Variants in EXOC4 observed in about 807,000 individuals in gnomAD.
EXOC4 encodes the protein SEC8-like 1.
EXOC4 carries 71 observed loss-of-function variants against 107.2 expected under a neutral mutation model. The ratio of observed to expected loss-of-function variants is 0.66; its 90% CI spans 0.55 to 0.81. The LOEUF (loss-of-function observed/expected upper bound fraction) is 0.81, where lower values mean the gene tolerates loss of function less well. EXOC4 is among the 30% of genes least tolerant of loss of function. The pLI, the probability that EXOC4 is intolerant of heterozygous loss-of-function variation, is 0.00. For missense variants in EXOC4, 1,108 were observed against 1,189.6 expected, an observed-to-expected ratio of 0.93 and a Z score of 1.01; for synonymous variants, 456 against 441.2, an observed-to-expected ratio of 1.03 and a Z score of -0.42.
intron 12 of EXOC4, among the ~76,000 whole-genome samples, chr7:133,916,227 T>A (rs778357697): frequency 6.6e-6 from 1 of 152,236 alleles, no homozygotes; most frequent in South Asian, 2.1e-4. Context: ...CCTGTGAGAC[T>A]CTAATGCTAC....
chr7:133,287,199 A>G (rs191620378), intron 2 of EXOC4, among the ~76,000 whole-genome samples: 7 of 152,156 alleles, frequency 4.6e-5, no homozygotes, highest in Non-Finnish European at 7.4e-5. Flanking sequence ...TTTCTTTGGT[A>G]TTACCTTGGT....
chr7:133,735,865 T>C (rs1473677137), intron 10 of EXOC4, among the ~76,000 whole-genome samples: 1 of 152,102 alleles, frequency 6.6e-6, no homozygotes, highest in African/African-American at 2.4e-5. Context: ...GGCAGGCAGA[T>C]CACTTGAGGT....
chr7:133,610,429 T>A (rs1428197849), intron 9 of EXOC4, among the ~76,000 whole-genome samples: 1 of 152,148 alleles, frequency 6.6e-6, no homozygotes, highest in African/African-American at 2.4e-5. Flanking sequence ...TCTTAGTAAG[T>A]TTTTGCTTTT....
At chr7:133,560,283 A>T (rs1800781074) in intron 9 of EXOC4, among the ~76,000 whole-genome samples, 1 of 151,614 alleles carries the variant, frequency 6.6e-6, no homozygotes. Flanking sequence ...ATTTTATTTT[A>T]TTTTATTTAT....
intron 9 of EXOC4, among the ~76,000 whole-genome samples, chr7:133,491,520 C>T (rs1262447561): frequency 6.6e-6 from 1 of 152,142 alleles, no homozygotes. Flanking sequence ...CTTTTCTGAG[C>T]TCTAGGTTAT....
chr7:133,302,783 T>C (rs1304636395), intron 3 of EXOC4, among the ~76,000 whole-genome samples: 1 of 152,158 alleles, frequency 6.6e-6, no homozygotes. Context: ...TGTGAGACTG[T>C]CTTGTTGCTG....
intron 7 of EXOC4, among the ~76,000 whole-genome samples, chr7:133,397,093 G>A (rs552298014): frequency 1.5e-4 from 22 of 150,628 alleles, no homozygotes; most frequent in African/African-American, 5.1e-4. Flanking sequence ...TAGGCCTGTC[G>A]ATATCCTCTT....
rs149473094 is a variant in EXOC4, at chr7:133,346,871, A to G, written c.764-9459A>G. Among the ~76,000 whole-genome samples the G allele has an allele frequency of 9.8e-4, 150 of 152,334 alleles. 1 individual carries two copies. The highest frequency in any genetic ancestry group is 3.4e-3 in the Middle Eastern group (1 of 294). On this transcript the variant is annotated intron_variant, in intron 5 of 17. Coordinates refer to ENST00000253861, the MANE Select transcript of EXOC4 (RefSeq NM_021807.4). ...AAGAGTTTCTATAGTAAACATTACT[A>G]TTGTCCTATATCTTAGTTAACATGT...
intron 10 of EXOC4, among the ~76,000 whole-genome samples, chr7:133,800,960 A>G (rs1796927258): frequency 6.6e-6 from 1 of 152,198 alleles, no homozygotes. Context: ...GAAGTTGATC[A>G]AGCCCTTCTT....
intron 14 of EXOC4, among the ~76,000 whole-genome samples, chr7:133,977,765 T>C (rs2116901081): frequency 1.3e-5 from 2 of 152,028 alleles, no homozygotes; most frequent in Middle Eastern, 6.8e-3. Context: ...TGTGTGTGTG[T>C]GTTTGTTTGT....
chr7:133,628,690 A>G (rs2151013499), intron 9 of EXOC4, among the ~76,000 whole-genome samples: 1 of 152,364 alleles, frequency 6.6e-6, no homozygotes, highest in African/African-American at 2.4e-5. Context: ...ACTGGAAACC[A>G]GTCATGGTGA....
Position 133,374,999 on chromosome 7 carries a change from A to G in EXOC4, c.1179A>G (p.Leu393=), listed in dbSNP as rs1027824010. 1 of 1,612,906 alleles carries G rather than the reference A, an allele frequency of 6.2e-7. No homozygotes were observed. The highest frequency in any genetic ancestry group is 8.5e-7 in the Non-Finnish European group (1 of 1,179,660). Residue 393 remains leucine (L), a synonymous_variant, in exon 7 of 18, where the codon CTA becomes CTG. Transcript: ENST00000253861. The part of the protein sequence containing the change: ...ADVWVKIQDV[L]QMLLTEYLDM... ...TATGGGTGAAGATCCAAGATGTTCT[A>G]CAGGTAAGAGCCTTTTACAAAGGGT...
At chr7:133,951,938 T>A (rs1271505923) in intron 14 of EXOC4, among the ~76,000 whole-genome samples, 1 of 152,134 alleles carries the variant, frequency 6.6e-6, no homozygotes, top group Non-Finnish European at 1.5e-5. Context: ...GGCAGGTGGA[T>A]CACCTGATGT....
chr7:133,381,656 T>C (rs1796621067), intron 7 of EXOC4, among the ~76,000 whole-genome samples: 1 of 152,204 alleles, frequency 6.6e-6, no homozygotes, highest in African/African-American at 2.4e-5. Flanking sequence ...CTGTTAGGGT[T>C]ATCTAAGTGG....
intron 9 of EXOC4, among the ~76,000 whole-genome samples, chr7:133,594,493 C>CTGTTTTTTTTT (rs1801618670): frequency 2.2e-5 from 2 of 90,356 alleles, no homozygotes; most frequent in African/African-American, 4.5e-5. Context: ...AAGCTTGAGT[C>CTGTTTTTTTTT]TTTTTTTTTT....
intron 9 of EXOC4, among the ~76,000 whole-genome samples, chr7:133,509,801 G>T (rs1177191538): frequency 4.6e-5 from 7 of 152,150 alleles, no homozygotes; most frequent in Non-Finnish European, 1.0e-4. Flanking sequence ...TGTTAATGAG[G>T]GGTGTCTCTT....
intron 10 of EXOC4, among the ~76,000 whole-genome samples, chr7:133,764,626 A>G (rs1181783284): frequency 6.6e-6 from 1 of 152,096 alleles, no homozygotes. Context: ...CAAACTTTAT[A>G]TCTCATATAT....
chr7:133,336,843 C>T (rs1380520153), intron 5 of EXOC4, among the ~76,000 whole-genome samples: 2 of 152,082 alleles, frequency 1.3e-5, no homozygotes, highest in Admixed American at 1.3e-4. Flanking sequence ...AAGCAATTCT[C>T]CAGCCTCAGC....
chr7:133,725,691 T>C (rs765640356), intron 10 of EXOC4, among the ~76,000 whole-genome samples: 1 of 152,184 alleles, frequency 6.6e-6, no homozygotes, highest in African/African-American at 2.4e-5. Flanking sequence ...TGACATTTCA[T>C]AGGGACTCTA....
Sources: allele counts gnomAD v4.1 joint callset (sites outside exome capture counted in the v4.1 genomes callset), GRCh38; gene constraint gnomAD v4.1.1; transcripts MANE v1.5; gene names NCBI Gene and HGNC (gene_info 2026-07-23, HGNC 2026-07-21).